The following SLC39A11 variants were observed in gnomAD, a reference collection of about 807,000 sequenced individuals.
SLC39A11 encodes the protein solute carrier family 39 member 11.
SLC39A11 carries 33 observed loss-of-function variants against 36.1 expected under a neutral mutation model. The observed-to-expected ratio is 0.91, with a 90% confidence interval of 0.69 to 1.22. The LOEUF (loss-of-function observed/expected upper bound fraction) is 1.22. Ranked by LOEUF, SLC39A11 falls within the 50% of genes most tolerant of loss-of-function variation. SLC39A11 has a pLI of 0.00. For missense variants in SLC39A11, 432 were observed against 430.3 expected (o/e 1.00, Z -0.03); for synonymous variants, 166 against 170.3 (o/e 0.97, Z 0.20).
At chr17:72,865,205 G>A (rs532032921) in intron 5 of SLC39A11, among the ~76,000 whole-genome samples, 36 of 152,188 alleles carry the variant, frequency 2.4e-4, no homozygotes, top group African/African-American at 8.4e-4. Flanking sequence ...CCAGGAACAG[G>A]GGCCTGGGTG....
At chr17:72,954,506 CCTGCCTGGGGCCCAGCATAGGTG>C (rs1329785928) in intron 4 of SLC39A11, among the ~76,000 whole-genome samples, 1 of 152,182 alleles carries the variant, frequency 6.6e-6, no homozygotes, top group Non-Finnish European at 1.5e-5. Context: ...TGGCGGGTGG[CCTGCCTGGGGCCCAGCATAGGTG>C]CTGCCTCCTC....
At chr17:72,806,613 C>G (rs529040958) in intron 6 of SLC39A11, among the ~76,000 whole-genome samples, 82 of 152,132 alleles carry the variant, frequency 5.4e-4, no homozygotes, top group Non-Finnish European at 1.1e-3. Context: ...GACTGAGTCC[C>G]TCTTTGTCGC....
intron 4 of SLC39A11, among the ~76,000 whole-genome samples, chr17:73,018,757 C>T (rs764501875): frequency 8.6e-5 from 13 of 151,528 alleles, no homozygotes; most frequent in Non-Finnish European, 1.5e-4. Flanking sequence ...AATAGAGATC[C>T]TCAACAACAC....
At chr17:73,086,664 A>G (rs771843791) in intron 2 of SLC39A11, among the ~76,000 whole-genome samples, 2 of 151,922 alleles carry the variant, frequency 1.3e-5, no homozygotes, top group African/African-American at 2.4e-5. Flanking sequence ...CACTACAAAT[A>G]CAAAAATTAG....
chr17:72,690,266 G>A (rs1189967402), intron 7 of SLC39A11, among the ~76,000 whole-genome samples: 1 of 152,226 alleles, frequency 6.6e-6, no homozygotes, highest in East Asian at 1.9e-4. Flanking sequence ...TGACAGCTGG[G>A]AAGAGGGGAT....
intron 2 of SLC39A11, among the ~76,000 whole-genome samples, chr17:73,086,720 T>C (rs1004630619): frequency 3.3e-5 from 5 of 152,118 alleles, no homozygotes; most frequent in Non-Finnish European, 4.4e-5. Flanking sequence ...CTTGGGAGGC[T>C]GAGGTGGGAC....
intron 7 of SLC39A11, among the ~76,000 whole-genome samples, chr17:72,725,143 A>G (rs901699286): frequency 2.6e-5 from 4 of 152,232 alleles, no homozygotes; most frequent in Admixed American, 2.0e-4. Flanking sequence ...TTATGTTTTT[A>G]AGTCACTAGA....
At chr17:73,009,304 G>A (rs759091119) in intron 4 of SLC39A11, among the ~76,000 whole-genome samples, 2 of 146,544 alleles carry the variant, frequency 1.4e-5, no homozygotes, top group Non-Finnish European at 3.0e-5. Flanking sequence ...GCAGTGAGCC[G>A]AGATTGCGCC....
chr17:72,928,715 C>T (rs1226251928), intron 5 of SLC39A11, among the ~76,000 whole-genome samples: 1 of 152,164 alleles, frequency 6.6e-6, no homozygotes, highest in Non-Finnish European at 1.5e-5. Context: ...CTGGCCGTAC[C>T]TCAAGCATTA....
intron 6 of SLC39A11, among the ~76,000 whole-genome samples, chr17:72,815,950 G>C (rs911739024): frequency 1.3e-5 from 2 of 152,162 alleles, no homozygotes; most frequent in African/African-American, 4.8e-5. Context: ...AAAGTGTTTT[G>C]TTGTTGTTGT....
chr17:72,779,009 A>C (rs77075308), intron 6 of SLC39A11, among the ~76,000 whole-genome samples: 1 of 152,110 alleles, frequency 6.6e-6, no homozygotes, highest in Non-Finnish European at 1.5e-5. Flanking sequence ...AAGAGCTTTT[A>C]CCATCCTGCC....
chr17:72,759,129 T>TAATAATAATAATAAAAAA (rs201794070), intron 6 of SLC39A11, among the ~76,000 whole-genome samples: 1 of 150,790 alleles, frequency 6.6e-6, no homozygotes, highest in East Asian at 1.9e-4. Flanking sequence ...ATAATAATAA[T>TAATAATAATAATAAAAAA]AAATAATCTT....
At chr17:72,892,342 G>A (rs2081798639) in intron 5 of SLC39A11, among the ~76,000 whole-genome samples, 1 of 151,038 alleles carries the variant, frequency 6.6e-6, no homozygotes, top group Non-Finnish European at 1.5e-5. Context: ...CTCAGGAGGT[G>A]GAGGATACAG....
chr17:72,724,103 ATTT>A (rs935971350), intron 7 of SLC39A11, among the ~76,000 whole-genome samples: 1 of 146,170 alleles, frequency 6.8e-6, no homozygotes, highest in Non-Finnish European at 1.5e-5. Context: ...TGTCCCTTTT[ATTT>A]TTTTTTTTCT....
At chr17:72,998,308 A>G (rs2089632923) in intron 4 of SLC39A11, among the ~76,000 whole-genome samples, 1 of 152,134 alleles carries the variant, frequency 6.6e-6, no homozygotes, top group Non-Finnish European at 1.5e-5. Context: ...TCTGAAATGC[A>G]TGCCCCACCA....
At chr17:73,034,954 A>G (rs1201118112) in intron 3 of SLC39A11, among the ~76,000 whole-genome samples, 1 of 152,166 alleles carries the variant, frequency 6.6e-6, no homozygotes, top group African/African-American at 2.4e-5. Flanking sequence ...CCTTCTTGAG[A>G]ATCACTGCCC....
At chr17:72,993,591 C>A (rs1319665389) in intron 4 of SLC39A11, among the ~76,000 whole-genome samples, 2 of 152,122 alleles carry the variant, frequency 1.3e-5, no homozygotes, top group African/African-American at 4.8e-5. Flanking sequence ...CTAATCAATC[C>A]TTTTCCCACT....
chr17:72,872,874 G>A (rs939194141), intron 5 of SLC39A11, among the ~76,000 whole-genome samples: 1 of 151,912 alleles, frequency 6.6e-6, no homozygotes, highest in Admixed American at 6.6e-5. Flanking sequence ...GGCTAACATG[G>A]CGAAACCCTG....
chr17:73,018,679 T>C (rs1249316599), intron 4 of SLC39A11, among the ~76,000 whole-genome samples: 1 of 151,922 alleles, frequency 6.6e-6, no homozygotes, highest in East Asian at 1.9e-4. Context: ...AAACCAAGAC[T>C]TGGGAGTATC....
Sources: allele counts gnomAD v4.1 joint callset (sites outside exome capture counted in the v4.1 genomes callset), GRCh38; gene constraint gnomAD v4.1.1; transcripts MANE v1.5; gene names NCBI Gene and HGNC (gene_info 2026-07-23, HGNC 2026-07-21).